Variants in SGIP1 observed in about 807,000 individuals in gnomAD.
The protein encoded by SGIP1 is SH3-containing GRB2-like protein 3-interacting protein 1.
Under a neutral mutation model 107.5 loss-of-function variants are expected in SGIP1, and 38 were observed. The ratio of observed to expected loss-of-function variants is 0.35; its 90% CI spans 0.27 to 0.46. The LOEUF (loss-of-function observed/expected upper bound fraction) is 0.46. Ranked by LOEUF, SGIP1 falls within the 20% of genes least tolerant of loss-of-function variation. The pLI, the probability that SGIP1 is intolerant of heterozygous loss-of-function variation, is 1.00. For synonymous variants in SGIP1, 365 were observed against 366.1 expected (o/e 1.00, Z 0.03); for missense variants, 929 against 1,019.5 (o/e 0.91, Z 1.21).
rs78509271 is a variant in SGIP1, at chr1:66,728,946, C to T, written c.1743-318C>T. Among the ~76,000 whole-genome samples, 541 of 151,954 alleles carry T rather than the reference C, an allele frequency of 3.6e-3. 10 individuals carry two copies. In the East Asian group the frequency reaches 0.039, roughly 11 times the overall value. On this transcript the variant is annotated intron_variant, in intron 19 of 24. Transcript: ENST00000371037. ...AAGAGAGGAACAAAAGAAACTAGGG[C>T]CTGCTTGAGGGAGGAGGATGGGAGA...
At chr1:66,598,050 A>G (rs1570351517) in intron 1 of SGIP1, among the ~76,000 whole-genome samples, 1 of 152,306 alleles carries the variant, frequency 6.6e-6, no homozygotes, top group African/African-American at 2.4e-5. Flanking sequence ...GGGCAAGTAT[A>G]TATTTTTAAA....
chr1:66,577,888 C>A (rs974779957), intron 1 of SGIP1, among the ~76,000 whole-genome samples: 1 of 151,360 alleles, frequency 6.6e-6, no homozygotes, highest in African/African-American at 2.4e-5. Flanking sequence ...TCTTTTTTCC[C>A]TTCTTTTTCA....
chr1:66,540,636 A>G (rs902602321), intron 1 of SGIP1, among the ~76,000 whole-genome samples: 1 of 152,224 alleles, frequency 6.6e-6, no homozygotes, highest in African/African-American at 2.4e-5. Flanking sequence ...GTACAGTGGC[A>G]ATGTCATGGA....
At chr1:66,594,418 G>T (rs1450686698) in intron 1 of SGIP1, among the ~76,000 whole-genome samples, 1 of 152,070 alleles carries the variant, frequency 6.6e-6, no homozygotes. Flanking sequence ...GATGAGATTT[G>T]TTCAGTGGTT....
At chr1:66,719,252 C>T in intron 18 of SGIP1, 42 bp from the exon 19 acceptor site, 1 of 1,343,206 alleles carries the variant, frequency 7.4e-7, no homozygotes, top group South Asian at 1.2e-5. Context: ...ACTAAAGTGT[C>T]TCCTATTTTC....
Position 66,677,017 on chromosome 1 carries a change from G to A in SGIP1, c.660G>A (p.Gln220=). 1.2e-6 allele frequency: 2 copies of A among 1,612,844 alleles called. No individual in the cohort carries two copies. Among genetic ancestry groups the A allele is most frequent in the South Asian group, 2.2e-5 (2 of 90,732 alleles). Residue 220 remains glutamine, a synonymous_variant, in exon 13 of 25, where the codon CAG becomes CAA. Transcript: ENST00000371037. ...DEQKTEVLLD[Q]PEIWGSGQPI... ...TTTTGTTTCCAGTTCTTTTAGATCA[G>A]CCTGAGATATGGGGTTCAGGCCAAC... is the stretch of plus-strand genomic sequence containing the variant.
intron 18 of SGIP1, among the ~76,000 whole-genome samples, chr1:66,711,910 TG>T (rs1349259113): frequency 1.1e-4 from 17 of 152,178 alleles, no homozygotes; most frequent in African/African-American, 4.1e-4. Flanking sequence ...TTGAGAGCAC[TG>T]GTATTATTGT....
rs776744007 is a variant in SGIP1, at chr1:66,637,168, TCC to T, written c.171+1156_171+1157del. Among the ~76,000 whole-genome samples the T allele has an allele frequency of 4.6e-5, 7 of 152,310 alleles. No individual in the cohort carries two copies. In the East Asian group the frequency reaches 1.3e-3, roughly 29 times the overall value. ...TTAAGCCTGGTTTTTAAGTGGTGTT[TCC>T]CCACTTCACTGATATTCTTCCTTGC... is the stretch of plus-strand genomic sequence containing the variant. On this transcript the variant is annotated intron_variant, in intron 4 of 24. Coordinates refer to ENST00000371037, the MANE Select transcript of SGIP1 (RefSeq NM_032291.4).
chr1:66,689,313 G>A (rs372826972), intron 16 of SGIP1, 38 bp downstream of exon 16: 2 of 1,596,278 alleles, frequency 1.3e-6, no homozygotes, highest in Middle Eastern at 1.7e-4. Flanking sequence ...CAGAAACAGT[G>A]AGAATGACAA....
At chr1:66,655,057 T>A (rs192479846) in intron 7 of SGIP1, among the ~76,000 whole-genome samples, 1 of 152,134 alleles carries the variant, frequency 6.6e-6, no homozygotes, top group Admixed American at 6.6e-5. Flanking sequence ...AACCAGGTAT[T>A]TTCTGATATT....
chr1:66,701,692 A>G (rs2150230630), intron 18 of SGIP1, among the ~76,000 whole-genome samples: 1 of 152,302 alleles, frequency 6.6e-6, no homozygotes, highest in Middle Eastern at 3.4e-3. Context: ...CCTGGTTCTG[A>G]AAATTTTGAC....
At chr1:66,666,000 CT>C in intron 8 of SGIP1, 1 of 152,260 alleles carries the variant, frequency 6.6e-6, no homozygotes, top group South Asian at 2.1e-4. Context: ...TCTATTTTGG[CT>C]TTTGTTGTCA....
chr1:66,710,065 A>C (rs563579609), intron 18 of SGIP1, among the ~76,000 whole-genome samples: 1 of 152,096 alleles, frequency 6.6e-6, no homozygotes, highest in Non-Finnish European at 1.5e-5. Flanking sequence ...AAGGGAAAAA[A>C]TTAAAAATTT....
intron 1 of SGIP1, among the ~76,000 whole-genome samples, chr1:66,566,857 C>T (rs529415635): frequency 1.3e-5 from 2 of 151,960 alleles, no homozygotes; most frequent in African/African-American, 4.8e-5. Context: ...GCTCTCCCTC[C>T]CCTTGCCCCC....
At chr1:66,637,479 G>T (rs1196042235) in intron 4 of SGIP1, among the ~76,000 whole-genome samples, 1 of 143,108 alleles carries the variant, frequency 7.0e-6, no homozygotes, top group African/African-American at 2.5e-5. Context: ...GTGTGTGTGT[G>T]TGTGTGTGTG....
At chr1:66,632,622 C>T (rs2075009163) in intron 2 of SGIP1, among the ~76,000 whole-genome samples, 1 of 152,176 alleles carries the variant, frequency 6.6e-6, no homozygotes, top group South Asian at 2.1e-4. Context: ...CACTGCACTC[C>T]AGCCTGGGCA....
intron 18 of SGIP1, among the ~76,000 whole-genome samples, chr1:66,702,304 A>G (rs1043041652): frequency 3.3e-5 from 5 of 152,184 alleles, no homozygotes; most frequent in African/African-American, 1.2e-4. Flanking sequence ...GTTGAAAGGG[A>G]GTTACTATTA....
intron 1 of SGIP1, among the ~76,000 whole-genome samples, chr1:66,580,930 T>C (rs1430465301): frequency 6.6e-6 from 1 of 152,152 alleles, no homozygotes. Context: ...ACCAGCTGTT[T>C]CTAAGTGTTA....
chr1:66,536,988 G>C (rs527552052), intron 1 of SGIP1, among the ~76,000 whole-genome samples: 50 of 152,244 alleles, frequency 3.3e-4, no homozygotes, highest in African/African-American at 1.1e-3. Context: ...ACTACGTTTT[G>C]TTTGTGTGGA....
Sources: allele counts gnomAD v4.1 joint callset (sites outside exome capture counted in the v4.1 genomes callset), GRCh38; gene constraint gnomAD v4.1.1; transcripts MANE v1.5; gene names NCBI Gene and HGNC (gene_info 2026-07-23, HGNC 2026-07-21).